Variants in ABCA5 observed in about 807,000 individuals in gnomAD.
The protein encoded by ABCA5 is cholesterol transporter ABCA5.
In ABCA5, 163 loss-of-function variants were observed where a neutral mutation model predicts 206.0. The ratio of observed to expected loss-of-function variants is 0.79; its 90% CI spans 0.70 to 0.90. The LOEUF (loss-of-function observed/expected upper bound fraction) is 0.90, where lower values mean the gene tolerates loss of function less well. ABCA5 is among the 40% of genes least tolerant of loss of function. The probability of loss-of-function intolerance (pLI) is 0.00; values close to 1 mark genes in which losing one functional copy is unlikely to be tolerated. For synonymous variants in ABCA5, 609 were observed against 613.8 expected (o/e 0.99, Z 0.11); for missense variants, 1,859 against 1,912.9 (o/e 0.97, Z 0.53).
At chr17:69,265,562 A>G (rs1444636644) in intron 23 of ABCA5, among the ~76,000 whole-genome samples, 3 of 152,136 alleles carry the variant, frequency 2.0e-5, no homozygotes, top group African/African-American at 7.2e-5. Flanking sequence ...ATACCTAACA[A>G]TTTTATTTAG....
intron 34 of ABCA5, 37 bp from the exon 35 acceptor site, chr17:69,251,903 ATC>A (rs1488189261): frequency 6.3e-7 from 1 of 1,590,370 alleles, no homozygotes; most frequent in Non-Finnish European, 8.5e-7. Flanking sequence ...AGAGGAACAC[ATC>A]TGTTTGTTAA....
intron 27 of ABCA5, 88 bp from the exon 28 acceptor site, chr17:69,259,885 A>C: frequency 1.5e-6 from 1 of 675,504 alleles, no homozygotes; most frequent in South Asian, 2.6e-5. Flanking sequence ...CTAAGACTAC[A>C]TACATCAAGT....
intron 31 of ABCA5, among the ~76,000 whole-genome samples, chr17:69,255,018 G>A (rs1433962578): frequency 2.6e-5 from 4 of 152,128 alleles, no homozygotes; most frequent in African/African-American, 9.7e-5. Flanking sequence ...TATTTCTAGG[G>A]TATAAGGTAT....
chr17:69,273,604 T>TG (rs1317194113), intron 20 of ABCA5, among the ~76,000 whole-genome samples: 15 of 151,932 alleles, frequency 9.9e-5, no homozygotes, highest in Middle Eastern at 3.4e-3. Flanking sequence ...TACAGGCGCG[T>TG]GCCACCATGC....
chr17:69,248,493 T>C, intron 37 of ABCA5, 176 bp from the exon 38 acceptor site: 1 of 496,344 alleles, frequency 2.0e-6, no homozygotes, highest in Middle Eastern at 5.9e-4. Flanking sequence ...CACCTATAAT[T>C]CCTCTATAGC....
At chr17:69,321,568 TGTTTAA>T (rs1036071830) in intron 1 of ABCA5, among the ~76,000 whole-genome samples, 4 of 152,210 alleles carry the variant, frequency 2.6e-5, no homozygotes, top group South Asian at 4.1e-4. Flanking sequence ...CAAGTTTAAC[TGTTTAA>T]GTTTAATTGC....
intron 20 of ABCA5, among the ~76,000 whole-genome samples, chr17:69,273,427 C>T (rs946917453): frequency 1.0e-4 from 12 of 114,342 alleles, no homozygotes; most frequent in Non-Finnish European, 1.8e-4. Context: ...TACTATTATA[C>T]AAAGTATAAA....
chr17:69,304,186 A>C (rs1399617956), intron 7 of ABCA5: 1 of 152,240 alleles, frequency 6.6e-6, no homozygotes, highest in Non-Finnish European at 1.5e-5. Flanking sequence ...TAAACCAATC[A>C]GAATGGAAGA....
At chr17:69,319,072 A>G in intron 1 of ABCA5, 1 of 301,938 alleles carries the variant, frequency 3.3e-6, no homozygotes, top group Non-Finnish European at 6.2e-6. Flanking sequence ...TCTGTTAAAT[A>G]AACTTCTGTA....
At chr17:69,297,932 C>T (rs1010045691) in intron 9 of ABCA5, among the ~76,000 whole-genome samples, 12 of 152,176 alleles carry the variant, frequency 7.9e-5, no homozygotes, top group African/African-American at 2.9e-4. Flanking sequence ...CACCTATAAT[C>T]CCAACACTTT....
intron 18 of ABCA5, 110 bp downstream of exon 18, chr17:69,283,843 T>C: frequency 8.7e-7 from 1 of 1,153,416 alleles, no homozygotes; most frequent in Non-Finnish European, 1.2e-6. Flanking sequence ...TATTTACTTA[T>C]TTCTACCCTT....
chr17:69,305,136 A>G (rs954186325), intron 6 of ABCA5, among the ~76,000 whole-genome samples: 3 of 152,188 alleles, frequency 2.0e-5, no homozygotes, highest in Non-Finnish European at 4.4e-5. Flanking sequence ...TGATTTTCTT[A>G]AAATGTAGGA....
In ABCA5 at chr17:69,247,337, C is replaced by A; in HGVS notation, c.*200G>T. ...TTCAATATACTTCAATACAAACATGCAGCTTCACTTAATTATACATACGTT... is the reference window on the plus strand; with the variant it reads ...TTCAATATACTTCAATACAAACATGAAGCTTCACTTAATTATACATACGTT... On this transcript the variant is annotated 3_prime_UTR_variant, in exon 39 of 39. Coordinates refer to ENST00000392676, the MANE Select transcript of ABCA5 (RefSeq NM_172232.4). 2.1e-6 allele frequency: 1 copy of A among 478,964 alleles called. No homozygotes were observed. The highest frequency in any genetic ancestry group is 3.7e-6 in the Non-Finnish European group (1 of 272,822). The allele number at this position is 478,964 out of a possible 1,614,324, so 29.7% of individuals were successfully genotyped here.
intron 1 of ABCA5, among the ~76,000 whole-genome samples, chr17:69,315,824 C>T (rs2075811134): frequency 6.6e-6 from 1 of 150,566 alleles, no homozygotes; most frequent in African/African-American, 2.4e-5. Flanking sequence ...AAAATAAAAT[C>T]AAAGATACCA....
At chr17:69,313,759 T>C (rs889871033) in intron 2 of ABCA5, among the ~76,000 whole-genome samples, 1 of 152,160 alleles carries the variant, frequency 6.6e-6, no homozygotes, top group Non-Finnish European at 1.5e-5. Flanking sequence ...AATTCTACGG[T>C]CAGTTTTAGT....
chr17:69,270,516 T>C (rs2075260470), intron 22 of ABCA5, 97 bp downstream of exon 22: 8 of 1,179,034 alleles, frequency 6.8e-6, no homozygotes, highest in Middle Eastern at 3.0e-4. Flanking sequence ...TCTCACAAGA[T>C]AAATTTCTAC....
chr17:69,323,624 T>C (rs1330940667), intron 1 of ABCA5, among the ~76,000 whole-genome samples: 1 of 152,236 alleles, frequency 6.6e-6, no homozygotes, highest in Non-Finnish European at 1.5e-5. Flanking sequence ...CCATTATTTA[T>C]TTATATATTT....
intron 1 of ABCA5, chr17:69,317,144 C>T (rs2075823662): frequency 6.6e-6 from 1 of 152,114 alleles, no homozygotes. Context: ...TGCCTGTATT[C>T]CCAGCACTTT....
chr17:69,269,956 T>C (rs1259067322), intron 22 of ABCA5, among the ~76,000 whole-genome samples: 1 of 152,026 alleles, frequency 6.6e-6, no homozygotes, highest in Non-Finnish European at 1.5e-5. Flanking sequence ...AGTATAAGGG[T>C]TATTTTTTTT....
Sources: allele counts gnomAD v4.1 joint callset (sites outside exome capture counted in the v4.1 genomes callset), GRCh38; gene constraint gnomAD v4.1.1; transcripts MANE v1.5; gene names NCBI Gene and HGNC (gene_info 2026-07-23, HGNC 2026-07-21).